RIC8B: variants seen among roughly 807,000 people sequenced by gnomAD.
RIC8B encodes the protein RIC8 guanine nucleotide exchange factor B.
In RIC8B, 16 loss-of-function variants were observed where a neutral mutation model predicts 57.5. That is an observed-to-expected ratio of 0.28 (90% CI 0.19 to 0.42). The LOEUF is 0.42. RIC8B is among the 10% of genes least tolerant of loss of function. The pLI is 1.00. For synonymous variants in RIC8B, 216 were observed against 250.8 expected (o/e 0.86, Z 1.31); for missense variants, 481 against 677.0 (o/e 0.71, Z 3.21).
In RIC8B at chr12:106,816,903, T is replaced by C. The variant is rs141080612; in HGVS notation, c.741+1599T>C. On this transcript the variant is annotated intron_variant, in intron 3 of 9. Coordinates refer to ENST00000392837, the MANE Select transcript of RIC8B (RefSeq NM_001330145.2). ...TAGAATATTTATTCTTCAAAAGATA[T>C]ATGAAAAGGATCAGTAATCCTGGAG... 2.6e-3 allele frequency among the ~76,000 whole-genome samples: 400 copies of C among 152,314 alleles called. 1 individual carries two copies. The highest frequency in any genetic ancestry group is 8.6e-3 in the African/African-American group (357 of 41,562).
chr12:106,816,804 T>C (rs893255652), intron 3 of RIC8B, among the ~76,000 whole-genome samples: 1 of 152,232 alleles, frequency 6.6e-6, no homozygotes, highest in African/African-American at 2.4e-5. Flanking sequence ...ATTAGTATAC[T>C]TCAGTTATAA....
rs925936889 is a variant in RIC8B, at chr12:106,779,212, T to G, written c.84+4383T>G. ...ATAGGCGTGAGCCACTGAGCCTGGCTGGGCATATCCTCCTATATACATTTT... is the reference window on the plus strand; with the variant it reads ...ATAGGCGTGAGCCACTGAGCCTGGCGGGGCATATCCTCCTATATACATTTT... On this transcript the variant is annotated intron_variant, in intron 1 of 9. Coordinates refer to ENST00000392837, the MANE Select transcript of RIC8B (RefSeq NM_001330145.2). 1.7e-4 allele frequency among the ~76,000 whole-genome samples: 25 copies of G among 147,414 alleles called. 1 individual carries two copies. The highest frequency in any genetic ancestry group is 6.0e-4 in the African/African-American group (24 of 39,676).
chr12:106,824,384 T>G (rs1031261781), intron 3 of RIC8B, among the ~76,000 whole-genome samples: 3 of 152,192 alleles, frequency 2.0e-5, no homozygotes, highest in African/African-American at 7.2e-5. Context: ...GTTAGGCCAC[T>G]GAGGCCCTCT....
chr12:106,783,772 T>A (rs1011037554), intron 1 of RIC8B, among the ~76,000 whole-genome samples: 5 of 152,228 alleles, frequency 3.3e-5, no homozygotes, highest in African/African-American at 1.2e-4. Context: ...GGGCAGTTAG[T>A]GGCTTGGTTT....
chr12:106,883,752 A>G (rs918919707), intron 9 of RIC8B, among the ~76,000 whole-genome samples: 1 of 151,674 alleles, frequency 6.6e-6, no homozygotes, highest in African/African-American at 2.4e-5. Flanking sequence ...CACCAATTCC[A>G]ATGTGTCTAT....
At chr12:106,857,229 T>A (rs770254878) in intron 7 of RIC8B, among the ~76,000 whole-genome samples, 10 of 152,172 alleles carry the variant, frequency 6.6e-5, no homozygotes, top group Non-Finnish European at 1.2e-4. Context: ...AGTGTGAGAC[T>A]GTATGGACAC....
At chr12:106,838,621 C>T (rs1404741369) in intron 4 of RIC8B, among the ~76,000 whole-genome samples, 2 of 150,754 alleles carry the variant, frequency 1.3e-5, no homozygotes, top group Admixed American at 6.6e-5. Context: ...TTGGTCTTGG[C>T]AATGATTTCT....
intron 4 of RIC8B, 124 bp from the exon 5 acceptor site, chr12:106,842,465 C>T (rs1332486339): frequency 4.2e-6 from 3 of 710,390 alleles, no homozygotes; most frequent in Non-Finnish European, 4.6e-6. Context: ...CATAATGGCT[C>T]ATTTTTGGAA....
In RIC8B at chr12:106,839,708, A is replaced by G. The variant is rs2046781224; in HGVS notation, c.837-2881A>G. ...TTAAGTGCTCTTACCACAAAAGAAAAAAATACTTTTCAAAGATTTTGAGGG... is the reference window on the plus strand; with the variant it reads ...TTAAGTGCTCTTACCACAAAAGAAAGAAATACTTTTCAAAGATTTTGAGGG... On this transcript the variant is annotated intron_variant, in intron 4 of 9. Coordinates refer to ENST00000392837, the MANE Select transcript of RIC8B (RefSeq NM_001330145.2). Among the ~76,000 whole-genome samples the G allele has an allele frequency of 5.9e-5, 9 of 152,220 alleles. 1 individual carries two copies. The highest frequency in any genetic ancestry group is 5.2e-4 in the Admixed American group (8 of 15,288).
intron 4 of RIC8B, among the ~76,000 whole-genome samples, chr12:106,832,924 T>G (rs2046419157): frequency 6.6e-6 from 1 of 152,108 alleles, no homozygotes; most frequent in Admixed American, 6.5e-5. Context: ...AGCATTGAAC[T>G]CCTCCTCTAG....
intron 1 of RIC8B, among the ~76,000 whole-genome samples, chr12:106,777,831 C>T (rs770467386): frequency 6.6e-6 from 1 of 152,172 alleles, no homozygotes; most frequent in African/African-American, 2.4e-5. Flanking sequence ...GGGCACAATG[C>T]ACCTAGGAAG....
chr12:106,849,499 G>A (rs1377496647), intron 6 of RIC8B, among the ~76,000 whole-genome samples: 2 of 150,782 alleles, frequency 1.3e-5, no homozygotes, highest in African/African-American at 2.4e-5. Context: ...AATACTGTAT[G>A]GTACACATAC....
chr12:106,843,410 A>C (rs1949040239), intron 5 of RIC8B, among the ~76,000 whole-genome samples: 2 of 152,220 alleles, frequency 1.3e-5, no homozygotes, highest in African/African-American at 4.8e-5. Flanking sequence ...AATAGTAAAC[A>C]TGAAGATGAT....
At chr12:106,819,073 T>G (rs2045719130) in intron 3 of RIC8B, among the ~76,000 whole-genome samples, 2 of 152,212 alleles carry the variant, frequency 1.3e-5, no homozygotes, top group South Asian at 4.1e-4. Flanking sequence ...CTGGAGTATA[T>G]CTTTTTAACT....
chr12:106,871,488 A>AAAC (rs1566169276), intron 9 of RIC8B: 1 of 143,536 alleles, frequency 7.0e-6, no homozygotes, highest in East Asian at 2.0e-4. Context: ...AAAAAAAAAA[A>AAAC]AAAAAAAAAA....
intron 1 of RIC8B, 128 bp downstream of exon 1, chr12:106,774,957 G>A: frequency 1.4e-6 from 1 of 698,388 alleles, no homozygotes; most frequent in Non-Finnish European, 2.4e-6. Context: ...AACGTTTCCG[G>A]CTTGGGCATG....
chr12:106,863,528 A>G (rs565606791), intron 8 of RIC8B, among the ~76,000 whole-genome samples: 1 of 151,972 alleles, frequency 6.6e-6, no homozygotes, highest in South Asian at 2.1e-4. Flanking sequence ...TTGTCTCATT[A>G]TATTGGGCTT....
At chr12:106,817,956 A>G (rs2045656569) in intron 3 of RIC8B, among the ~76,000 whole-genome samples, 1 of 152,232 alleles carries the variant, frequency 6.6e-6, no homozygotes, top group South Asian at 2.1e-4. Flanking sequence ...CAATTGGGCA[A>G]GCCCATAAAG....
chr12:106,844,876 A>C (rs931568523), intron 6 of RIC8B, among the ~76,000 whole-genome samples: 4 of 152,212 alleles, frequency 2.6e-5, no homozygotes, highest in African/African-American at 9.7e-5. Flanking sequence ...TTCAGATTAT[A>C]TCTTAGACTA....
Sources: gnomAD v4.1 joint callset for allele counts (sites outside exome capture counted in the v4.1 genomes callset) on GRCh38, gnomAD v4.1.1 for gene constraint, MANE v1.5 for transcripts, NCBI Gene and HGNC (gene_info 2026-07-23, HGNC 2026-07-21) for gene names.